TTN: variants seen among roughly 807,000 people sequenced by gnomAD.
TTN encodes the protein connectin.
TTN carries 1,525 observed loss-of-function variants against 3,223.0 expected under a neutral mutation model. The ratio of observed to expected loss-of-function variants is 0.47; its 90% CI spans 0.45 to 0.49. The LOEUF (loss-of-function observed/expected upper bound fraction) is 0.49. TTN is among the 20% of genes least tolerant of loss of function. The pLI is 0.00. For synonymous variants in TTN, 14,094 were observed against 15,161.0 expected (o/e 0.93, Z 5.17); for missense variants, 40,786 against 43,424.0 (o/e 0.94, Z 5.40).
chr2:178,729,680 A>G lies in TTN; in HGVS notation c.18573T>C (p.Ile6191=). ...TTCACGAACCTTTCACTTTGAGTTCAATGCTGCAGCTCGCCGTGCCTGCGT... is the reference window on the plus strand; with the variant it reads ...TTCACGAACCTTTCACTTTGAGTTCGATGCTGCAGCTCGCCGTGCCTGCGT... The part of the protein sequence containing the change: ...RNDAGTASCS[I]ELKVKEPPTF... The change falls in exon 63 of 363, where the codon ATT becomes ATC. Residue 6191 remains isoleucine, a synonymous_variant. Transcript: ENST00000589042. 6.2e-7 allele frequency: 1 copy of G among 1,613,756 alleles called. No individual in the cohort carries two copies. Among genetic ancestry groups the G allele is most frequent in the Non-Finnish European group, 8.5e-7 (1 of 1,179,720 alleles).
In TTN at chr2:178,689,307, A is replaced by T; in HGVS notation, c.31994T>A (p.Val10665Asp). ...AACAATACCTTTTGGTGGTGGTGGA[A>T]CTTCTTCCTCCTTCCGAGGAACAGG... ...RKPVPRKEEE[V>D]PPPPKVPALP... The change falls in exon 124 of 363, where the codon GTT becomes GAT. Residue 10665 changes from valine to aspartate, a missense_variant. Coordinates refer to ENST00000589042, the MANE Select transcript of TTN (RefSeq NM_001267550.2). 1 of 1,613,004 alleles carries T rather than the reference A, an allele frequency of 6.2e-7. No homozygotes were observed. Among genetic ancestry groups the T allele is most frequent in the East Asian group, 2.2e-5 (1 of 44,878 alleles).
rs1373285658 is a variant in TTN at position 178,706,938 on chromosome 2, G to A, written c.29058C>T (p.Ala9686=). 2.5e-6 allele frequency: 4 copies of A among 1,608,914 alleles called. No individual in the cohort carries two copies. The highest frequency in any genetic ancestry group is 2.2e-5 in the South Asian group (2 of 89,738). The part of the protein sequence containing the change: ...KVTIKDKPAV[A]PATKKAAVDG... ...CTACCGCAGCTTTCTTGGTTGCTGG[G>A]GCCACAGCTGGTTTGTCTGAAAAAA... is the stretch of plus-strand genomic sequence containing the variant. Residue 9686 remains alanine (A), a synonymous_variant, in exon 101 of 363, where the codon GCC becomes GCT. Transcript: ENST00000589042.
In TTN at chr2:178,738,219, T is replaced by C. The variant is rs778762576; in HGVS notation, c.14234A>G (p.Lys4745Arg). The C allele has an allele frequency of 6.2e-7, 1 of 1,613,650 alleles. No homozygotes were observed. Among genetic ancestry groups the C allele is most frequent in the East Asian group, 2.2e-5 (1 of 44,768 alleles). ...KAGREIYESD[K>R]CSIRSSKYIS... Reference sequence around the variant, plus strand: ...ATACTTTGAAGATCGAATAGAACACTTGTCACTCTCATAAATTTCTCGGCC... The same window carrying C: ...ATACTTTGAAGATCGAATAGAACACCTGTCACTCTCATAAATTTCTCGGCC... Residue 4745 changes from lysine (K) to arginine (R), a missense_variant, in exon 49 of 363, where the codon AAG (lysine) becomes AGG (arginine). Physicochemically the swap from Lys to Arg is conservative, Grantham distance 26. Transcript: ENST00000589042.
At position 178,584,682 on chromosome 2, in the gene TTN, C is replaced by G; in HGVS notation, c.64959G>C (p.Ala21653=). The change falls in exon 310 of 363, where the codon GCG becomes GCC. Residue 21653 remains alanine, a synonymous_variant. Coordinates refer to ENST00000589042, the MANE Select transcript of TTN (RefSeq NM_001267550.2). ...SEPLTSPKMV[A]QFPFGVPSEP... ...ACAAAAACATACCAAATGGGAACTGCGCAACCATCTTTGGAGATGTGAGAG... is the reference window on the plus strand; with the variant it reads ...ACAAAAACATACCAAATGGGAACTGGGCAACCATCTTTGGAGATGTGAGAG... 12 of 1,613,348 alleles carry G rather than the reference C, an allele frequency of 7.4e-6. No individual in the cohort carries two copies. The highest frequency in any genetic ancestry group is 1.1e-5 in the South Asian group (1 of 91,036).
In TTN at chr2:178,653,650, G is replaced by A. The variant is rs2063531013; in HGVS notation, c.38597C>T (p.Pro12866Leu). ...VPEKKVPKAP[P>L]TKPEAPPATV... ...GGCAGGTGGGGCTTCTGGTTTTGTG[G>A]GAGGAGCCTTAGGAACTTTCTTTTC... The change falls in exon 196 of 363, where the codon CCC (proline) becomes CTC (leucine). Residue 12866 changes from proline to leucine, a missense_variant. Transcript: ENST00000589042. 1 of 1,084,972 alleles carries A rather than the reference G, an allele frequency of 9.2e-7. No homozygotes were observed. The highest frequency in any genetic ancestry group is 1.3e-6 in the Non-Finnish European group (1 of 784,146). 67.2% of individuals were successfully genotyped at this position (1,084,972 alleles called of 1,614,324 possible). A position where few individuals can be genotyped will look rare whatever the true frequency, so the allele number is the denominator to read the frequency against.
At chr2:178,759,379 A>T (rs2088322861) in intron 43 of TTN, among the ~76,000 whole-genome samples, 1 of 152,242 alleles carries the variant, frequency 6.6e-6, no homozygotes, top group African/African-American at 2.4e-5. Flanking sequence ...AGAAAAATAT[A>T]GCTTGTCCTA....
rs758282788 is a variant in TTN at position 178,632,432 on chromosome 2, AAG to A, written c.43481-21_43481-20del. ...CGGATTCCTATCAAGAAAAAAAAGAAAGAACTTATTAATTGAAGCACTTTAAA... is the reference window on the plus strand; with the variant it reads ...CGGATTCCTATCAAGAAAAAAAAGAAAACTTATTAATTGAAGCACTTTAAA... On this transcript the variant is annotated intron_variant, in intron 235 of 362. Coordinates refer to ENST00000589042, the MANE Select transcript of TTN (RefSeq NM_001267550.2). The A allele has an allele frequency of 5.1e-6, 8 of 1,575,358 alleles. No individual in the cohort carries two copies. The East Asian group carries it at 6.8e-5, about 13-fold the overall frequency.
intron 82 of TTN, 21 bp downstream of exon 82, chr2:178,719,533 T>C (rs754536863): frequency 6.3e-7 from 1 of 1,591,668 alleles, no homozygotes; most frequent in Non-Finnish European, 8.6e-7. Context: ...TGTATATTCA[T>C]AAAAATCTCA....
intron 213 of TTN, among the ~76,000 whole-genome samples, chr2:178,647,893 C>A (rs2062270035): frequency 6.6e-6 from 1 of 152,062 alleles, no homozygotes; most frequent in Admixed American, 6.6e-5. Flanking sequence ...TTCAGAGACC[C>A]AATGAACCAT....
Position 178,543,552 on chromosome 2 carries a change from T to G in TTN, c.96421A>C (p.Ile32141Leu). Residue 32141 changes from isoleucine (I) to leucine (L), a missense_variant, in exon 347 of 363, where the codon ATC becomes CTC. Physicochemically the swap from Ile to Leu is conservative, Grantham distance 5. Transcript: ENST00000589042. ...IDGGAPVNNY[I>L]VEKREAAMRA... ...ATAGCAGCTTCACGCTTCTCAACGA[T>G]GTAATTGTTGACTGGAGCTCCACCA... is the stretch of plus-strand genomic sequence containing the variant. The G allele has an allele frequency of 6.2e-7, 1 of 1,611,872 alleles. No individual in the cohort carries two copies. The highest frequency in any genetic ancestry group is 1.1e-5 in the South Asian group (1 of 91,062).
intron 18 of TTN, 65 bp downstream of exon 18, chr2:178,782,741 T>C (rs958562427): frequency 6.2e-7 from 1 of 1,610,916 alleles, no homozygotes; most frequent in Non-Finnish European, 8.5e-7. Context: ...AACCATATTG[T>C]GGAAAAGAGT....
At position 178,612,474 on chromosome 2, in the gene TTN, G is replaced by A. The variant is rs1303563982; in HGVS notation, c.50051C>T (p.Thr16684Ile). 2 of 1,612,258 alleles carry A rather than the reference G, an allele frequency of 1.2e-6. No individual in the cohort carries two copies. Among genetic ancestry groups the A allele is most frequent in the Non-Finnish European group, 1.7e-6 (2 of 1,179,180 alleles). ...VPEKDGGSPITNYIVEKRDVR... is the reference protein window; with the variant it reads ...VPEKDGGSPIINYIVEKRDVR... ...GTCTCTCTTTTCCACAATGTAGTTG[G>A]TGATGGGGGACCCTCCATCTTTCTC... The change falls in exon 266 of 363, where the codon ACC becomes ATC. Residue 16684 changes from threonine (T) to isoleucine (I), a missense_variant. Coordinates refer to ENST00000589042, the MANE Select transcript of TTN (RefSeq NM_001267550.2).
Position 178,560,845 on chromosome 2 carries a change from T to C in TTN, c.85287A>G (p.Val28429=). Residue 28429 remains valine (V), a synonymous_variant, in exon 326 of 363, where the codon GTA becomes GTG. Transcript: ENST00000589042. ...DCIRRDTGQY[V]LTLKNVAGTR... The stretch of plus-strand genomic sequence containing the variant: ...TGCCGGCAACATTCTTCAGTGTTAG[T>C]ACATATTGCCCAGTGTCTCGTCTTA... The C allele has an allele frequency of 6.2e-7, 1 of 1,613,732 alleles. No individual in the cohort carries two copies. The highest frequency in any genetic ancestry group is 1.1e-5 in the South Asian group (1 of 91,074).
At position 178,605,158 on chromosome 2, in the gene TTN, T is replaced by C. The variant is rs1260982977; in HGVS notation, c.54019A>G (p.Ile18007Val). ...TGAAGTGCATCAGTGGGTTTTTCAA[T>C]TACAGTTTCATTTTTGGACCATTCA... is the stretch of plus-strand genomic sequence containing the variant. ...KIEWSKNETVIEKPTDALQIT... is the reference protein window; with the variant it reads ...KIEWSKNETVVEKPTDALQIT... Residue 18007 changes from isoleucine (I) to valine (V), a missense_variant, in exon 280 of 363, where the codon ATT becomes GTT. Coordinates refer to ENST00000589042, the MANE Select transcript of TTN (RefSeq NM_001267550.2). The C allele has an allele frequency of 3.1e-6, 5 of 1,612,466 alleles. No individual in the cohort carries two copies. The highest frequency in any genetic ancestry group is 4.2e-6 in the Non-Finnish European group (5 of 1,179,196).
chr2:178,803,740 G>A (rs868289921), intron 2 of TTN, among the ~76,000 whole-genome samples: 25 of 151,278 alleles, frequency 1.7e-4, no homozygotes, highest in East Asian at 5.8e-4. Context: ...TACATGGCTC[G>A]TTACAATACT....
At chr2:178,679,724 A>G in intron 140 of TTN, 42 bp from the exon 141 acceptor site, 1 of 1,572,454 alleles carries the variant, frequency 6.4e-7, no homozygotes, top group Non-Finnish European at 8.6e-7. Flanking sequence ...TTTGCAGGAA[A>G]GAAATAAAAT....
rs1225946550 is a variant in TTN, at chr2:178,552,935, T to C, written c.89965A>G (p.Ser29989Gly). 7.4e-6 allele frequency: 12 copies of C among 1,613,628 alleles called. No individual in the cohort carries two copies. Among genetic ancestry groups the C allele is most frequent in the Non-Finnish European group, 9.3e-6 (11 of 1,179,832 alleles). The stretch of plus-strand genomic sequence containing the variant: ...AAATCTATTAGCTTGAAGGATGTGC[T>C]AGAACATTTGTGTGACACGACAGAC... ...TWSVVSHKCSSTSFKLIDLSE... is the reference protein window; with the variant it reads ...TWSVVSHKCSGTSFKLIDLSE... Residue 29989 changes from serine (S) to glycine (G), a missense_variant, in exon 335 of 363, where the codon AGC becomes GGC. Transcript: ENST00000589042.
chr2:178,771,941 T>C (rs80133134), intron 33 of TTN, among the ~76,000 whole-genome samples: 7,874 of 152,286 alleles, frequency 0.052, 390 homozygotes, highest in East Asian at 0.19. Flanking sequence ...TCGCCCATTC[T>C]ATGAAGTTTC....
At chr2:178,601,820 T>A (rs1360320960) in intron 285 of TTN, 33 bp from the exon 286 acceptor site, 1 of 1,604,068 alleles carries the variant, frequency 6.2e-7, no homozygotes, top group African/African-American at 1.3e-5. Context: ...ATACATTGAA[T>A]GAAATCATAG....
Sources: gnomAD v4.1 joint callset for allele counts (sites outside exome capture counted in the v4.1 genomes callset) on GRCh38, gnomAD v4.1.1 for gene constraint, MANE v1.5 for transcripts, NCBI Gene and HGNC (gene_info 2026-07-23, HGNC 2026-07-21) for gene names.